The following LHPP variants were observed in gnomAD, a reference collection of about 807,000 sequenced individuals.
LHPP encodes the protein hLHPP.
In LHPP, 24 loss-of-function variants were observed where a neutral mutation model predicts 30.3. That is an observed-to-expected ratio of 0.79 (90% CI 0.57 to 1.11). The LOEUF (loss-of-function observed/expected upper bound fraction) is 1.11. Among genes scored for constraint, LHPP ranks in the 50% most tolerant of loss-of-function variants. The probability of loss-of-function intolerance (pLI) is 0.00; values close to 1 mark genes in which losing one functional copy is unlikely to be tolerated. For synonymous variants in LHPP, 150 were observed against 157.1 expected (o/e 0.95, Z 0.34); for missense variants, 356 against 367.2 (o/e 0.97, Z 0.25).
At chr10:124,508,793 T>G (rs1472033281) in intron 5 of LHPP, among the ~76,000 whole-genome samples, 1 of 152,190 alleles carries the variant, frequency 6.6e-6, no homozygotes, top group Non-Finnish European at 1.5e-5. Flanking sequence ...ATATATACAT[T>G]TTTAACACAA....
chr10:124,538,740 C>T (rs35878051), intron 6 of LHPP, among the ~76,000 whole-genome samples: 2,097 of 152,334 alleles, frequency 0.014, 26 homozygotes, highest in Non-Finnish European at 0.022. Context: ...TCCTTCTCTC[C>T]CATCCCATTT....
At chr10:124,520,210 G>A (rs756779108) in intron 6 of LHPP, among the ~76,000 whole-genome samples, 12 of 151,930 alleles carry the variant, frequency 7.9e-5, no homozygotes, top group Non-Finnish European at 1.5e-4. Flanking sequence ...TATCATGGGG[G>A]TTTATTGTAC....
chr10:124,468,900 A>G (rs1192133165), intron 1 of LHPP, among the ~76,000 whole-genome samples: 3 of 152,168 alleles, frequency 2.0e-5, no homozygotes, highest in African/African-American at 7.2e-5. Context: ...AAGGTGGTGC[A>G]GGAAACGCCC....
Position 124,541,515 on chromosome 10 carries a change from T to A in LHPP, c.716+24244T>A, listed in dbSNP as rs756575636. On this transcript the variant is annotated intron_variant, in intron 6 of 6. Coordinates refer to ENST00000368842, the MANE Select transcript of LHPP (RefSeq NM_022126.4). The surrounding 1 kb of genome is among the most constrained non-coding windows in gnomAD (Gnocchi z 4.2). ...CATGGCCACCCTGAGGAATTCCACC[T>A]GGGCGTTTGGTGTCCCTAGCATATC... Among the ~76,000 whole-genome samples, 1 of 151,986 alleles carries A rather than the reference T, an allele frequency of 6.6e-6. No homozygotes were observed. The highest frequency in any genetic ancestry group is 1.5e-5 in the Non-Finnish European group (1 of 67,992).
intron 6 of LHPP, among the ~76,000 whole-genome samples, chr10:124,585,312 T>C (rs1414288631): frequency 1.3e-5 from 2 of 152,208 alleles, no homozygotes; most frequent in African/African-American, 4.8e-5. Context: ...CTTTCTTTCT[T>C]TTTTAAGAAA....
chr10:124,545,996 C>T (rs1341099356), intron 6 of LHPP: 1 of 152,404 alleles, frequency 6.6e-6, no homozygotes, highest in Non-Finnish European at 1.5e-5. Flanking sequence ...GAACCCAGGG[C>T]TCGCTGGGAT....
Position 124,575,639 on chromosome 10 carries a change from C to A in LHPP, c.717-37625C>A, listed in dbSNP as rs1038687775. 3.3e-5 allele frequency among the ~76,000 whole-genome samples: 5 copies of A among 152,116 alleles called. No homozygotes were observed. In the East Asian group the frequency reaches 7.7e-4, roughly 23 times the overall value. ...AGCTCTGAGCAGAGACCTCTGTAGG[C>A]GTCTGCAGGACTGGCTGGCCCTTGT... is the stretch of plus-strand genomic sequence containing the variant. On this transcript the variant is annotated intron_variant, in intron 6 of 6. Transcript: ENST00000368842.
In LHPP at chr10:124,479,000, C is replaced by T. The variant is rs1376190258; in HGVS notation, c.126-5139C>T. 2.0e-5 allele frequency among the ~76,000 whole-genome samples: 3 copies of T among 150,018 alleles called. No homozygotes were observed. Among genetic ancestry groups the T allele is most frequent in the African/African-American group, 7.4e-5 (3 of 40,626 alleles). ...AGGAGAATTGCTTGAACCCAGGAGG[C>T]GGAGGTTGCAGTGAGCTGAGATTGT... On this transcript the variant is annotated intron_variant, in intron 1 of 6. Coordinates refer to ENST00000368842, the MANE Select transcript of LHPP (RefSeq NM_022126.4). This position sits in a 1 kb window ranked among gnomAD's most constrained non-coding sequence, Gnocchi z 4.7.
At position 124,590,282 on chromosome 10, in the gene LHPP, C is replaced by T. The variant is rs1948864770; in HGVS notation, c.717-22982C>T. On this transcript the variant is annotated intron_variant, in intron 6 of 6. Coordinates refer to ENST00000368842, the MANE Select transcript of LHPP (RefSeq NM_022126.4). The surrounding 1 kb of genome is among the most constrained non-coding windows in gnomAD (Gnocchi z 4.3). ...TTGAGGTCTGCAAAGGAAAGCACCCCCACTGCCAGGCTGCTCAGGAGTGGC... is the reference window on the plus strand; with the variant it reads ...TTGAGGTCTGCAAAGGAAAGCACCCTCACTGCCAGGCTGCTCAGGAGTGGC... 1.3e-5 allele frequency among the ~76,000 whole-genome samples: 2 copies of T among 152,132 alleles called. No individual in the cohort carries two copies. The highest frequency in any genetic ancestry group is 2.9e-5 in the Non-Finnish European group (2 of 68,022).
At chr10:124,492,159 G>A (rs1272364510) in intron 3 of LHPP, among the ~76,000 whole-genome samples, 1 of 152,190 alleles carries the variant, frequency 6.6e-6, no homozygotes, top group Non-Finnish European at 1.5e-5. Context: ...CACAGAGTTA[G>A]TTGTCATTGA....
intron 6 of LHPP, among the ~76,000 whole-genome samples, chr10:124,606,277 C>CGG (rs11377747): frequency 0.22 from 32,786 of 151,888 alleles, 4,106 homozygotes; most frequent in Admixed American, 0.27. Context: ...ACACCATTCT[C>CGG]GGGGGGACAG....
intron 6 of LHPP, among the ~76,000 whole-genome samples, chr10:124,536,175 C>T (rs1955022016): frequency 6.6e-6 from 1 of 152,254 alleles, no homozygotes; most frequent in African/African-American, 2.4e-5. Flanking sequence ...GCAGACTGGC[C>T]CTGCGGTCCA....
chr10:124,553,468 T>C (rs1476522542), intron 6 of LHPP, among the ~76,000 whole-genome samples: 11 of 141,342 alleles, frequency 7.8e-5, no homozygotes, highest in South Asian at 7.1e-4. Flanking sequence ...TTTTTTTTTT[T>C]TTTTTTTTGA....
intron 6 of LHPP, among the ~76,000 whole-genome samples, chr10:124,568,473 G>GC (rs751585536): frequency 5.9e-5 from 9 of 152,156 alleles, no homozygotes; most frequent in Non-Finnish European, 7.3e-5. Context: ...GCGCGATGAG[G>GC]CCCCTTTCGA....
At position 124,498,123 on chromosome 10, in the gene LHPP, C is replaced by G; in HGVS notation, c.619C>G (p.His207Asp). The change falls in exon 5 of 7, where the codon CAC becomes GAC. Residue 207 changes from histidine (H) to aspartate (D), a missense_variant. Physicochemically the swap from His to Asp is moderately conservative, Grantham distance 81. Coordinates refer to ENST00000368842, the MANE Select transcript of LHPP (RefSeq NM_022126.4). ...CCTGCAAGCGATAGGAGTGGAAGCC[C>G]ACCAGGTAGGTTGGCGCCTTGTGAA... ...SALQAIGVEA[H>D]QAVMIGDDIV... 6.2e-7 allele frequency: 1 copy of G among 1,612,490 alleles called. No homozygotes were observed. The highest frequency in any genetic ancestry group is 8.5e-7 in the Non-Finnish European group (1 of 1,179,392).
In LHPP at chr10:124,536,003, G is replaced by A. The variant is rs183811216; in HGVS notation, c.716+18732G>A. Reference sequence around the variant, plus strand: ...GTCCCAGGCAGGATTCCCCTGGGCTGGGGTGGGAGGTTCTGCTGCTTTAAA... The same window carrying A: ...GTCCCAGGCAGGATTCCCCTGGGCTAGGGTGGGAGGTTCTGCTGCTTTAAA... On this transcript the variant is annotated intron_variant, in intron 6 of 6. Transcript: ENST00000368842. Among the ~76,000 whole-genome samples, 144 of 152,370 alleles carry A rather than the reference G, an allele frequency of 9.5e-4. 2 individuals are homozygous for A. Among genetic ancestry groups the A allele is most frequent in the African/African-American group, 3.3e-3 (138 of 41,592 alleles).
chr10:124,598,260 C>T (rs907452452), intron 6 of LHPP, among the ~76,000 whole-genome samples: 1 of 152,252 alleles, frequency 6.6e-6, no homozygotes, highest in African/African-American at 2.4e-5. Flanking sequence ...GGAGGGGACA[C>T]AGGCTGGGTC....
In LHPP at chr10:124,467,692, TTG is replaced by T. The variant is rs200509215; in HGVS notation, c.125+5719_125+5720del. On this transcript the variant is annotated intron_variant, in intron 1 of 6. Transcript: ENST00000368842. ...ATACCTCCACATGCAGGTTTTTCTT[TTG>T]TGTGTGTGTGTGTTTTTTGTTGTTG... 4.4e-3 allele frequency among the ~76,000 whole-genome samples: 617 copies of T among 141,686 alleles called. 7 individuals are homozygous for T. The highest frequency in any genetic ancestry group is 0.016 in the African/African-American group (602 of 37,670). 93.0% of individuals were successfully genotyped at this position (141,686 alleles called of 152,430 possible). A position where few individuals can be genotyped will look rare whatever the true frequency, so the allele number is the denominator to read the frequency against.
chr10:124,518,081 T>C (rs143425179), intron 6 of LHPP, among the ~76,000 whole-genome samples: 33 of 152,238 alleles, frequency 2.2e-4, no homozygotes, highest in Non-Finnish European at 4.0e-4. Context: ...AGAAGACAGA[T>C]CAGAGGGCCC....
Sources: gnomAD v4.1 joint callset for allele counts (sites outside exome capture counted in the v4.1 genomes callset) on GRCh38, gnomAD v4.1.1 for gene constraint, Gnocchi (gnomAD v3.1) non-coding constraint, MANE v1.5 for transcripts, NCBI Gene and HGNC (gene_info 2026-07-23, HGNC 2026-07-21) for gene names.